RPS6KA5: variants seen among roughly 807,000 people sequenced by gnomAD.
RPS6KA5 encodes the protein ribosomal protein S6 kinase A5.
RPS6KA5 carries 27 observed loss-of-function variants against 85.5 expected under a neutral mutation model. That is an observed-to-expected ratio of 0.32 (90% CI 0.23 to 0.44). RPS6KA5 has a LOEUF of 0.44. Ranked by LOEUF, RPS6KA5 falls within the 20% of genes least tolerant of loss-of-function variation. The pLI, the probability that RPS6KA5 is intolerant of heterozygous loss-of-function variation, is 1.00. For synonymous variants in RPS6KA5, 334 were observed against 348.2 expected (o/e 0.96, Z 0.46); for missense variants, 811 against 980.9 (o/e 0.83, Z 2.31).
rs925553783 is a variant in RPS6KA5, at chr14:90,851,478, A to T, written c.*20596T>A. ...ATCGATCCCTCAGTATGCTGGTGAG[A>T]CAGGGAGGCACAGGTTAACCCCATT... On this transcript the variant is annotated 3_prime_UTR_variant, in exon 17 of 17. Transcript: ENST00000614987. 3.9e-5 allele frequency: 6 copies of T among 152,148 alleles called. No homozygotes were observed. Among genetic ancestry groups the T allele is most frequent in the Non-Finnish European group, 8.8e-5 (6 of 68,038 alleles). 9.4% of individuals were successfully genotyped at this position (152,148 alleles called of 1,614,324 possible).
At chr14:91,007,124 G>C (rs2041055817) in intron 1 of RPS6KA5, among the ~76,000 whole-genome samples, 1 of 152,204 alleles carries the variant, frequency 6.6e-6, no homozygotes, top group Non-Finnish European at 1.5e-5. Context: ...AGAGGGGCCT[G>C]GGAGAGCAGA....
At chr14:90,963,237 T>C (rs373432882) in intron 3 of RPS6KA5, among the ~76,000 whole-genome samples, 4 of 152,296 alleles carry the variant, frequency 2.6e-5, no homozygotes, top group Non-Finnish European at 4.4e-5. Context: ...TTGGAAGGAA[T>C]AGCAATAAAA....
At chr14:91,059,095 A>T (rs1454979000) in intron 1 of RPS6KA5, among the ~76,000 whole-genome samples, 1 of 152,154 alleles carries the variant, frequency 6.6e-6, no homozygotes, top group Admixed American at 6.5e-5. Flanking sequence ...TGGGAGGCCG[A>T]GGCGGGCGGA....
chr14:90,875,986 G>A (rs1458777350), intron 14 of RPS6KA5, among the ~76,000 whole-genome samples: 1 of 151,582 alleles, frequency 6.6e-6, no homozygotes, highest in African/African-American at 2.4e-5. Context: ...ACACCAACAT[G>A]GCACATGTAT....
intron 1 of RPS6KA5, chr14:91,052,332 G>C: frequency 2.5e-6 from 1 of 395,454 alleles, no homozygotes. Flanking sequence ...CCTGGGTATG[G>C]TAGTGGGTGC....
chr14:90,893,433 G>A (rs761809683), intron 13 of RPS6KA5, among the ~76,000 whole-genome samples: 3 of 152,130 alleles, frequency 2.0e-5, no homozygotes, highest in Admixed American at 2.0e-4. Flanking sequence ...TTAATGCACA[G>A]AATTTCATTT....
intron 1 of RPS6KA5, among the ~76,000 whole-genome samples, chr14:91,032,174 G>GT (rs1566887056): frequency 6.6e-6 from 1 of 152,012 alleles, no homozygotes. Context: ...TCAACATACA[G>GT]AAAAGTCTAG....
intron 7 of RPS6KA5, among the ~76,000 whole-genome samples, chr14:90,914,655 C>T (rs924964436): frequency 2.0e-5 from 3 of 152,116 alleles, no homozygotes; most frequent in African/African-American, 7.2e-5. Context: ...TGCTCCACCC[C>T]GCTAGGGAGT....
chr14:90,904,004 TG>T (rs965887006), intron 8 of RPS6KA5, among the ~76,000 whole-genome samples: 1 of 151,692 alleles, frequency 6.6e-6, no homozygotes, highest in African/African-American at 2.4e-5. Context: ...TGGAGGGCAG[TG>T]GCGCGATCTC....
rs2032631939 is a variant in RPS6KA5 at position 90,862,980 on chromosome 14, G to C, written c.*9094C>G. The C allele has an allele frequency of 6.6e-6, 1 of 152,052 alleles. No homozygotes were observed. Among genetic ancestry groups the C allele is most frequent in the Admixed American group, 6.6e-5 (1 of 15,254 alleles). The allele number at this position is 152,052 out of a possible 1,614,324, so 9.4% of individuals were successfully genotyped here. On this transcript the variant is annotated 3_prime_UTR_variant, in exon 17 of 17. Coordinates refer to ENST00000614987, the MANE Select transcript of RPS6KA5 (RefSeq NM_004755.4). ...CTGAAAATTAGAAATAAAACAATCT[G>C]CTATATGATATCTATAAAAAAATTA...
chr14:90,903,312 C>G (rs2035290981), intron 8 of RPS6KA5, among the ~76,000 whole-genome samples: 1 of 152,066 alleles, frequency 6.6e-6, no homozygotes, highest in Non-Finnish European at 1.5e-5. Context: ...ACAAAAAACC[C>G]AAAACAAAAT....
rs1159699562 is a variant in RPS6KA5 at position 90,900,643 on chromosome 14, C to T, written c.1213G>A (p.Val405Met). The change falls in exon 10 of 17, where the codon GTG (valine) becomes ATG (methionine). Residue 405 changes from valine (V) to methionine (M), a missense_variant. By Grantham distance (21) the Val-to-Met change is conservative. Around this residue, in one of 3 missense-constraint regions of RPS6KA5, gnomAD observed 650 missense variants for 793.4 expected, o/e 0.82. Coordinates refer to ENST00000614987, the MANE Select transcript of RPS6KA5 (RefSeq NM_004755.4). ...ATTGCACTCCTGGCAACATTTGTCA[C>T]TCCAGGACGTTCAACTCCCATGTGA... ...QFHMGVERPG[V>M]TNVARSAMMK... The T allele has an allele frequency of 1.9e-6, 3 of 1,613,964 alleles. No homozygotes were observed. Among genetic ancestry groups the T allele is most frequent in the South Asian group, 2.2e-5 (2 of 91,066 alleles).
intron 5 of RPS6KA5, 66 bp downstream of exon 5, chr14:90,943,012 C>G (rs946496106): frequency 2.0e-5 from 19 of 928,868 alleles, no homozygotes; most frequent in Admixed American, 3.6e-5. Context: ...AATGTTTATT[C>G]TACGGCTAAG....
intron 2 of RPS6KA5, among the ~76,000 whole-genome samples, chr14:90,984,118 T>C (rs1021776940): frequency 8.5e-5 from 13 of 152,178 alleles, no homozygotes; most frequent in African/African-American, 3.1e-4. Context: ...AGTGCTGGGA[T>C]TACAGGCGTG....
At chr14:90,998,393 C>G (rs2040627833) in intron 2 of RPS6KA5, among the ~76,000 whole-genome samples, 1 of 152,086 alleles carries the variant, frequency 6.6e-6, no homozygotes, top group Non-Finnish European at 1.5e-5. Flanking sequence ...AAAGTTGTTA[C>G]CAAGAAAGCC....
intron 1 of RPS6KA5, among the ~76,000 whole-genome samples, chr14:91,023,576 T>C (rs533899416): frequency 1.3e-5 from 2 of 152,170 alleles, no homozygotes; most frequent in Non-Finnish European, 2.9e-5. Context: ...TGAGCCACCG[T>C]GCCCAACCTC....
At chr14:90,896,425 C>T (rs922989495) in intron 12 of RPS6KA5, among the ~76,000 whole-genome samples, 5 of 152,150 alleles carry the variant, frequency 3.3e-5, no homozygotes, top group African/African-American at 1.2e-4. Flanking sequence ...TGATGGCCCT[C>T]CAAAGTTGTT....
intron 5 of RPS6KA5, among the ~76,000 whole-genome samples, chr14:90,935,562 T>C (rs1225913900): frequency 2.6e-5 from 4 of 152,092 alleles, no homozygotes; most frequent in Admixed American, 2.0e-4. Context: ...AGCTAAGAAA[T>C]AGAGAACCAG....
At chr14:90,940,408 A>T (rs941409605) in intron 5 of RPS6KA5, among the ~76,000 whole-genome samples, 6 of 152,162 alleles carry the variant, frequency 3.9e-5, no homozygotes, top group African/African-American at 1.4e-4. Context: ...ACTAGCAGCA[A>T]ACTCTCCTCT....
Sources: gnomAD v4.1 joint callset for allele counts (sites outside exome capture counted in the v4.1 genomes callset) on GRCh38, gnomAD v4.1.1 for gene constraint, gnomAD v4.1.1 regional missense constraint, MANE v1.5 for transcripts, NCBI Gene and HGNC (gene_info 2026-07-23, HGNC 2026-07-21) for gene names.